Variants in GET4 observed in about 807,000 individuals in gnomAD.
GET4 encodes the protein Golgi to ER traffic protein 4 homolog.
A neutral mutation model predicts 40.0 loss-of-function variants in GET4; 20 were observed. That is an observed-to-expected ratio of 0.50 (90% CI 0.35 to 0.73). The LOEUF is 0.73. GET4 is among the 30% of genes least tolerant of loss of function. GET4 has a pLI of 0.01. For synonymous variants in GET4, 280 were observed against 194.6 expected (o/e 1.44, Z -3.65); for missense variants, 557 against 454.0 (o/e 1.23, Z -2.06).
At chr7:877,447 C>G (rs1447894610) in intron 1 of GET4, among the ~76,000 whole-genome samples, 1 of 109,512 alleles carries the variant, frequency 9.1e-6, no homozygotes, top group Non-Finnish European at 1.9e-5. Flanking sequence ...TCCCGTCTCT[C>G]TACCCTGCCT....
intron 1 of GET4, 175 bp from the exon 2 acceptor site, chr7:885,881 A>G (rs1174343095): frequency 1.3e-5 from 8 of 604,946 alleles, no homozygotes; most frequent in Admixed American, 2.9e-5. Context: ...CCTCATGGTC[A>G]GCAGGACACC....
rs1340445807 is a variant in GET4 at position 886,638 on chromosome 7, G to C, written c.304G>C (p.Asp102His). ...SLEKAEVEVA[D>H]ELLENLAKVF... is the part of the protein sequence containing the mutation. ...GGAGAAGGCGGAAGTGGAGGTGGCT[G>C]ACGAGCTGCTGGGTGAGCATCCGGC... Residue 102 changes from aspartate to histidine, a missense_variant, in exon 3 of 9, where the codon GAC (aspartate) becomes CAC (histidine). Coordinates refer to ENST00000265857, the MANE Select transcript of GET4 (RefSeq NM_015949.3). The C allele has an allele frequency of 1.2e-6, 2 of 1,611,142 alleles. No homozygotes were observed. The highest frequency in any genetic ancestry group is 2.7e-5 in the African/African-American group (2 of 74,938).
chr7:893,630 G>T, intron 6 of GET4, 110 bp from the exon 7 acceptor site: 1 of 651,842 alleles, frequency 1.5e-6, no homozygotes, highest in Non-Finnish European at 2.7e-6. Context: ...TGTTGGGCGC[G>T]GGCGTGGTGG....
In GET4 at chr7:895,511, GCT is replaced by G; in HGVS notation, c.*91_*92del. On this transcript the variant is annotated 3_prime_UTR_variant, in exon 9 of 9. Transcript: ENST00000265857. ...TCCTGGGTGGCTCCTCGCCTTGGGGGCTCCTGGCCCTGAGGCTGGCGGTGGCC... is the reference window on the plus strand; with the variant it reads ...TCCTGGGTGGCTCCTCGCCTTGGGGGCCTGGCCCTGAGGCTGGCGGTGGCC... The G allele has an allele frequency of 4.6e-6, 3 of 647,628 alleles. No individual in the cohort carries two copies. The highest frequency in any genetic ancestry group is 8.2e-6 in the Non-Finnish European group (3 of 366,864). The allele number at this position is 647,628 out of a possible 1,614,324, so 40.1% of individuals were successfully genotyped here.
At position 887,472 on chromosome 7, in the gene GET4, T is replaced by G; in HGVS notation, c.419T>G (p.Leu140Arg). 1 of 1,588,290 alleles carries G rather than the reference T, an allele frequency of 6.3e-7. No homozygotes were observed. Among genetic ancestry groups the G allele is most frequent in the Non-Finnish European group, 8.6e-7 (1 of 1,165,448 alleles). Residue 140 changes from leucine (L) to arginine (R), a missense_variant, in exon 4 of 9, where the codon CTG becomes CGG. Coordinates refer to ENST00000265857, the MANE Select transcript of GET4 (RefSeq NM_015949.3). ...TGGTCCAGTGGGGGCTCCGGGAAGC[T>G]GGGCCACCCCCGGCTGCACCAGCTG... Reference protein sequence around the residue: ...LKWSSGGSGKLGHPRLHQLLA... With the variant: ...LKWSSGGSGKRGHPRLHQLLA...
chr7:882,385 G>C (rs564664882), intron 1 of GET4: 2 of 152,350 alleles, frequency 1.3e-5, no homozygotes, highest in Non-Finnish European at 2.9e-5. Flanking sequence ...CAGCAGGTTG[G>C]TGTCCTTGGA....
intron 4 of GET4, among the ~76,000 whole-genome samples, chr7:890,407 T>G (rs1844293315): frequency 1.5e-5 from 1 of 65,908 alleles, no homozygotes. Flanking sequence ...TGTGAGCGGG[T>G]GTTAGGACGG....
intron 1 of GET4, chr7:885,753 G>T: frequency 2.6e-6 from 1 of 383,934 alleles, no homozygotes; most frequent in African/African-American, 2.1e-5. Flanking sequence ...CCTGCCCAGT[G>T]GCCTTTCTGG....
chr7:884,096 T>C, intron 1 of GET4: 1 of 1,194,504 alleles, frequency 8.4e-7, no homozygotes, highest in Non-Finnish European at 1.1e-6. Flanking sequence ...CCTTTTTTTC[T>C]TCTGGTTTCT....
At chr7:890,805 C>T (rs1844302755) in intron 4 of GET4, 123 bp from the exon 5 acceptor site, 2 of 756,316 alleles carry the variant, frequency 2.6e-6, no homozygotes, top group Admixed American at 2.1e-5. Context: ...CCTGTGGGCT[C>T]TGGCTGGGCT....
intron 8 of GET4, 87 bp from the exon 9 acceptor site, chr7:895,247 A>G (rs1439921111): frequency 2.7e-5 from 18 of 674,946 alleles, no homozygotes; most frequent in Non-Finnish European, 4.8e-5. Context: ...ACACTGGGAC[A>G]CCTTGTGAGA....
chr7:878,602 C>T (rs1302155801), intron 1 of GET4, among the ~76,000 whole-genome samples: 5 of 141,040 alleles, frequency 3.5e-5, no homozygotes, highest in Non-Finnish European at 6.0e-5. Context: ...GCGACGGAGT[C>T]TCGCTCTGTC....
chr7:892,950 C>CTGGGTGTGTGCAGGTGT (rs1157823526), intron 6 of GET4, among the ~76,000 whole-genome samples: 95 of 146,198 alleles, frequency 6.5e-4, no homozygotes, highest in African/African-American at 2.0e-3. Flanking sequence ...GCATGGGTTG[C>CTGGGTGTGTGCAGGTGT]TGGGTGTGTG....
At chr7:892,152 C>G (rs1369636404) in intron 5 of GET4, 126 bp from the exon 6 acceptor site, 2 of 901,010 alleles carry the variant, frequency 2.2e-6, no homozygotes, top group South Asian at 1.5e-5. Flanking sequence ...CTGGGTCCCT[C>G]CATGGCCTTG....
In GET4 at chr7:891,121, G is replaced by A. The variant is rs1323843879; in HGVS notation, c.605+55G>A. 8 of 1,449,442 alleles carry A rather than the reference G, an allele frequency of 5.5e-6. No homozygotes were observed. The South Asian group carries it at 9.3e-5, about 17-fold the overall frequency. The allele number at this position is 1,449,442 out of a possible 1,614,324, so 89.8% of individuals were successfully genotyped here. A position where few individuals can be genotyped will look rare whatever the true frequency, so the allele number is the denominator to read the frequency against. On this transcript the variant is annotated intron_variant, in intron 5 of 8. Transcript: ENST00000265857. ...CTTCCATTGCTGCCTTGGCTGGGCA[G>A]CCTTAGAACAGGTCCCCTTGTCCCC...
At chr7:886,213 C>A in intron 2 of GET4, 79 bp downstream of exon 2, 1 of 924,976 alleles carries the variant, frequency 1.1e-6, no homozygotes, top group Non-Finnish European at 1.8e-6. Flanking sequence ...CCCACCTCCA[C>A]TGATGGGCAA....
intron 1 of GET4, among the ~76,000 whole-genome samples, chr7:879,071 G>A (rs1431079669): frequency 6.6e-6 from 1 of 152,130 alleles, no homozygotes; most frequent in Non-Finnish European, 1.5e-5. Context: ...AGAGCATCAC[G>A]CAGTGCAGCT....
At chr7:887,147 G>T in intron 3 of GET4, 1 of 694,196 alleles carries the variant, frequency 1.4e-6, no homozygotes, top group East Asian at 2.9e-5. Context: ...CCCCCGCCTC[G>T]GCCAGGGCGT....
In GET4 at chr7:887,447, T is replaced by C; in HGVS notation, c.394T>C (p.Trp132Arg). 6.3e-7 allele frequency: 1 copy of C among 1,596,246 alleles called. No homozygotes were observed. The highest frequency in any genetic ancestry group is 8.6e-7 in the Non-Finnish European group (1 of 1,169,194). ...GACCTTTGTGTCCAGAGCCCTGAAG[T>C]GGTCCAGTGGGGGCTCCGGGAAGCT... ...RVTFVSRALK[W>R]SSGGSGKLGH... is the part of the protein sequence containing the mutation. Residue 132 changes from tryptophan (W) to arginine (R), a missense_variant, in exon 4 of 9, where the codon TGG (tryptophan) becomes CGG (arginine). Trp to Arg is a moderately radical substitution (Grantham distance 101). Transcript: ENST00000265857.
Sources: gnomAD v4.1 joint callset for allele counts (sites outside exome capture counted in the v4.1 genomes callset) on GRCh38, gnomAD v4.1.1 for gene constraint, MANE v1.5 for transcripts, NCBI Gene and HGNC (gene_info 2026-07-23, HGNC 2026-07-21) for gene names.